The following PDE3A variants were observed in gnomAD, a reference collection of about 807,000 sequenced individuals.
PDE3A encodes phosphodiesterase 3A, also known as cGMP-inhibited 3',5'-cyclic phosphodiesterase 3A.
A neutral mutation model predicts 98.3 loss-of-function variants in PDE3A; 43 were observed. The observed-to-expected ratio is 0.44, with a 90% CI of 0.34 to 0.56. The LOEUF is 0.56. Among genes scored for constraint, PDE3A ranks in the 20% least tolerant of loss-of-function variants. The pLI, the probability that PDE3A is intolerant of heterozygous loss-of-function variation, is 0.01. For missense variants in PDE3A, 1,427 were observed against 1,440.7 expected, an observed-to-expected ratio of 0.99 and a Z score of 0.15; for synonymous variants, 663 against 567.9, an observed-to-expected ratio of 1.17 and a Z score of -2.38.
chr12:20,418,385 G>C (rs1944457185), intron 1 of PDE3A, among the ~76,000 whole-genome samples: 1 of 152,176 alleles, frequency 6.6e-6, no homozygotes, highest in Non-Finnish European at 1.5e-5. Flanking sequence ...TTGGTTCTGA[G>C]TGCTCAGTTT....
At chr12:20,567,304 C>T (rs1165161356) in intron 2 of PDE3A, among the ~76,000 whole-genome samples, 1 of 151,908 alleles carries the variant, frequency 6.6e-6, no homozygotes, top group Admixed American at 6.6e-5. Flanking sequence ...TATAGCAGCC[C>T]TTGAGGAATT....
intron 1 of PDE3A, among the ~76,000 whole-genome samples, chr12:20,395,588 A>ACTATGTATACACATAGTATTATATATGTG (rs2120631720): frequency 6.8e-6 from 1 of 147,068 alleles, no homozygotes; most frequent in Admixed American, 6.8e-5. Context: ...TTATATATGT[A>ACTATGTATACACATAGTATTATATATGTG]TACTATGTAT....
At chr12:20,667,620 G>C (rs1945349304) in intron 15 of PDE3A, among the ~76,000 whole-genome samples, 1 of 151,886 alleles carries the variant, frequency 6.6e-6, no homozygotes, top group Non-Finnish European at 1.5e-5. Context: ...ATGTTTTATT[G>C]GTCTATATGT....
intron 2 of PDE3A, among the ~76,000 whole-genome samples, chr12:20,587,898 T>C (rs982269958): frequency 6.6e-6 from 1 of 152,244 alleles, no homozygotes; most frequent in Non-Finnish European, 1.5e-5. Flanking sequence ...GGCTTTAAAG[T>C]TGCTTTTTAA....
intron 2 of PDE3A, among the ~76,000 whole-genome samples, chr12:20,609,870 T>A (rs534848097): frequency 3.9e-5 from 6 of 152,140 alleles, no homozygotes; most frequent in African/African-American, 1.4e-4. Flanking sequence ...ATCGTATGTT[T>A]ATCTTATACC....
intron 15 of PDE3A, among the ~76,000 whole-genome samples, chr12:20,673,642 T>C (rs558846442): frequency 1.4e-5 from 2 of 147,222 alleles, no homozygotes; most frequent in South Asian, 2.2e-4. Flanking sequence ...TAGGTGGGAA[T>C]TGAACAATGA....
chr12:20,388,551 G>A (rs187613660), intron 1 of PDE3A, among the ~76,000 whole-genome samples: 13 of 152,114 alleles, frequency 8.5e-5, no homozygotes, highest in Admixed American at 8.5e-4. Flanking sequence ...CTACTAAGGA[G>A]AGAAAATTCC....
At chr12:20,526,721 ATT>A (rs11353817) in intron 1 of PDE3A, among the ~76,000 whole-genome samples, 6 of 147,506 alleles carry the variant, frequency 4.1e-5, no homozygotes, top group Admixed American at 1.3e-4. Context: ...TCTTAAACTG[ATT>A]TTTTTTTTTT....
At chr12:20,574,587 CATT>C (rs1355199483) in intron 2 of PDE3A, among the ~76,000 whole-genome samples, 1 of 151,972 alleles carries the variant, frequency 6.6e-6, no homozygotes, top group African/African-American at 2.4e-5. Context: ...TCATCATTAT[CATT>C]ATCATCACCA....
rs75446185 is a variant in PDE3A, at chr12:20,501,843, A to G, written c.961-54817A>G. 2.7e-3 allele frequency among the ~76,000 whole-genome samples: 406 copies of G among 152,300 alleles called. 2 individuals are homozygous for G. Among genetic ancestry groups the G allele is most frequent in the African/African-American group, 9.6e-3 (399 of 41,582 alleles). On this transcript the variant is annotated intron_variant, in intron 1 of 15. Transcript: ENST00000359062. ...CATGCTTTTGATGTATCAATTTAGC[A>G]CATTAAGCTGTCATTATTCCAGTCT...
At chr12:20,676,757 C>T (rs747919428) in intron 15 of PDE3A, among the ~76,000 whole-genome samples, 69 of 152,178 alleles carry the variant, frequency 4.5e-4, no homozygotes, top group Admixed American at 2.0e-3. Context: ...TCTTGGCCTC[C>T]GAAAGTGCTG....
At chr12:20,559,787 T>A (rs907762632) in intron 2 of PDE3A, among the ~76,000 whole-genome samples, 9 of 152,114 alleles carry the variant, frequency 5.9e-5, no homozygotes, top group Non-Finnish European at 1.3e-4. Context: ...GAGGTGTGGC[T>A]TTAAGGATGG....
Position 20,684,859 on chromosome 12 carries a change from T to C in PDE3A, c.*4588T>C, listed in dbSNP as rs1945910058. ...AAACAATGAGTTGAGCTAAAAACTA[T>C]ACATAACTTAAATTGAGATTTGCAT... On this transcript the variant is annotated 3_prime_UTR_variant, in exon 16 of 16. Coordinates refer to ENST00000359062, the MANE Select transcript of PDE3A (RefSeq NM_000921.5). Among the ~76,000 whole-genome samples the C allele has an allele frequency of 6.6e-6, 1 of 152,240 alleles. No homozygotes were observed. Among genetic ancestry groups the C allele is most frequent in the Non-Finnish European group, 1.5e-5 (1 of 68,038 alleles).
intron 1 of PDE3A, among the ~76,000 whole-genome samples, chr12:20,391,368 C>CATATATAT (rs370725569): frequency 1.4e-5 from 2 of 142,498 alleles, no homozygotes; most frequent in Non-Finnish European, 3.0e-5. Context: ...TATATATTCT[C>CATATATAT]ATATATATAT....
chr12:20,417,966 AT>A (rs1479660943), intron 1 of PDE3A, among the ~76,000 whole-genome samples: 1 of 152,202 alleles, frequency 6.6e-6, no homozygotes, highest in Non-Finnish European at 1.5e-5. Context: ...CAGAAAATCA[AT>A]AGATGGGAGA....
At chr12:20,374,950 C>G (rs141354527) in intron 1 of PDE3A, among the ~76,000 whole-genome samples, 22 of 152,024 alleles carry the variant, frequency 1.4e-4, no homozygotes, top group African/African-American at 5.3e-4. Flanking sequence ...TGTATCATGC[C>G]TTTGCATTGG....
intron 1 of PDE3A, among the ~76,000 whole-genome samples, chr12:20,410,921 C>T (rs1011092695): frequency 8.5e-5 from 13 of 152,306 alleles, no homozygotes; most frequent in Non-Finnish European, 1.8e-4. Flanking sequence ...CTCTTGTCTC[C>T]AGAAACCTAT....
intron 2 of PDE3A, among the ~76,000 whole-genome samples, chr12:20,579,270 CA>C (rs1161721202): frequency 1.3e-5 from 2 of 152,206 alleles, no homozygotes; most frequent in African/African-American, 2.4e-5. Context: ...GTGGTGTCCA[CA>C]TCTTGATTAA....
chr12:20,621,243 T>A (rs1944127559), intron 4 of PDE3A, 53 bp from the exon 5 acceptor site: 2 of 1,014,784 alleles, frequency 2.0e-6, no homozygotes, highest in Admixed American at 3.4e-5. Context: ...GCCCAATAAC[T>A]GATGAATAAT....
Sources: gnomAD v4.1 joint callset for allele counts (sites outside exome capture counted in the v4.1 genomes callset) on GRCh38, gnomAD v4.1.1 for gene constraint, MANE v1.5 for transcripts, NCBI Gene and HGNC (gene_info 2026-07-23, HGNC 2026-07-21) for gene names.